Variants in ROBO2 observed in about 807,000 individuals in gnomAD.
The protein encoded by ROBO2 is roundabout homolog 2.
ROBO2 carries 53 observed loss-of-function variants against 160.8 expected under a neutral mutation model. The observed-to-expected ratio is 0.33, with a 90% CI of 0.26 to 0.41. The LOEUF is 0.41. Ranked by LOEUF, ROBO2 falls within the 10% of genes least tolerant of loss-of-function variation. The pLI is 1.00. For missense variants in ROBO2, 1,577 were observed against 1,722.4 expected, an observed-to-expected ratio of 0.92 and a Z score of 1.49; for synonymous variants, 664 against 611.7, an observed-to-expected ratio of 1.09 and a Z score of -1.26.
chr3:76,846,532 G>T (rs1216123613), intron 2 of ROBO2, among the ~76,000 whole-genome samples: 14 of 152,034 alleles, frequency 9.2e-5, no homozygotes. Context: ...ACTATTTGAA[G>T]AATCAATACT....
chr3:76,821,074 T>A (rs886249516), intron 2 of ROBO2, among the ~76,000 whole-genome samples: 3 of 152,006 alleles, frequency 2.0e-5, no homozygotes, highest in African/African-American at 7.2e-5. Context: ...TGTATTAACA[T>A]GTTCTATCAT....
chr3:77,293,803 A>G (rs1371034223), intron 2 of ROBO2, among the ~76,000 whole-genome samples: 4 of 140,714 alleles, frequency 2.8e-5, no homozygotes. Flanking sequence ...AGTTGAGGCT[A>G]GAACAGTAAA....
chr3:76,772,240 C>T (rs1179920637), intron 2 of ROBO2, among the ~76,000 whole-genome samples: 3 of 150,432 alleles, frequency 2.0e-5, no homozygotes, highest in Non-Finnish European at 4.5e-5. Flanking sequence ...TAACTTACAA[C>T]ATTGTTCTCC....
intron 2 of ROBO2, among the ~76,000 whole-genome samples, chr3:76,624,290 A>C (rs2109324270): frequency 6.6e-6 from 1 of 152,270 alleles, no homozygotes; most frequent in Non-Finnish European, 1.5e-5. Flanking sequence ...GAACCTGGTA[A>C]GTGGTGCTTG....
At chr3:76,355,002 G>A (rs2075073150) in intron 2 of ROBO2, among the ~76,000 whole-genome samples, 1 of 151,240 alleles carries the variant, frequency 6.6e-6, no homozygotes, top group Non-Finnish European at 1.5e-5. Flanking sequence ...GCATATATCT[G>A]GATATGTGTG....
intron 2 of ROBO2, among the ~76,000 whole-genome samples, chr3:77,276,348 T>C (rs1443027370): frequency 6.6e-6 from 1 of 152,246 alleles, no homozygotes; most frequent in Non-Finnish European, 1.5e-5. Flanking sequence ...GAAATGTTAC[T>C]ACTACAGATA....
intron 2 of ROBO2, among the ~76,000 whole-genome samples, chr3:76,486,664 AATGT>A (rs1048218898): frequency 3.3e-5 from 5 of 152,272 alleles, no homozygotes; most frequent in African/African-American, 1.2e-4. Context: ...AACCAAAATA[AATGT>A]ATGAGGGCAA....
intron 2 of ROBO2, among the ~76,000 whole-genome samples, chr3:77,002,269 TG>T (rs1362842363): frequency 6.6e-6 from 1 of 151,968 alleles, no homozygotes; most frequent in African/African-American, 2.4e-5. Flanking sequence ...ATGTTATTAG[TG>T]TATATCTTAA....
chr3:76,522,205 A>G (rs971652507), intron 2 of ROBO2, among the ~76,000 whole-genome samples: 7 of 152,162 alleles, frequency 4.6e-5, no homozygotes, highest in Non-Finnish European at 8.8e-5. Context: ...GGAATGTAAA[A>G]TCATTTCAGC....
intron 15 of ROBO2, among the ~76,000 whole-genome samples, chr3:77,579,564 A>G (rs533814407): frequency 2.8e-4 from 42 of 152,308 alleles, no homozygotes; most frequent in African/African-American, 9.9e-4. Context: ...GATAAATAAA[A>G]CAGAGGAAAT....
At chr3:76,811,757 T>C (rs1002712609) in intron 2 of ROBO2, among the ~76,000 whole-genome samples, 2 of 150,852 alleles carry the variant, frequency 1.3e-5, no homozygotes, top group Non-Finnish European at 2.9e-5. Flanking sequence ...TTTTGCTTAA[T>C]TACCTTTCTC....
At chr3:75,975,314 T>C (rs1047033755) in intron 2 of ROBO2, among the ~76,000 whole-genome samples, 1 of 151,458 alleles carries the variant, frequency 6.6e-6, no homozygotes, top group Non-Finnish European at 1.5e-5. Flanking sequence ...GGCCAAATTC[T>C]TTGTCAAATT....
Position 76,472,860 on chromosome 3 carries a change from G to A in ROBO2, c.109+535258G>A, listed in dbSNP as rs115669953. On this transcript the variant is annotated intron_variant, in intron 2 of 26. Transcript: ENST00000487694. ...AAATCAGGGAGATGTTGATAGATGT[G>A]ATCGCTGGGACAGCATGTCAGTCTC... is the stretch of plus-strand genomic sequence containing the variant. Among the ~76,000 whole-genome samples the A allele has an allele frequency of 5.3e-3, 814 of 152,278 alleles. 10 individuals are homozygous for A. Among genetic ancestry groups the A allele is most frequent in the African/African-American group, 0.018 (767 of 41,576 alleles).
chr3:77,460,750 T>C (rs2153571045), intron 2 of ROBO2, among the ~76,000 whole-genome samples: 1 of 152,242 alleles, frequency 6.6e-6, no homozygotes, highest in South Asian at 2.1e-4. Flanking sequence ...TCTTAGCAAA[T>C]ATATATCTAG....
chr3:76,707,767 TAAAAG>T (rs1229886123), intron 2 of ROBO2, among the ~76,000 whole-genome samples: 2 of 133,680 alleles, frequency 1.5e-5, no homozygotes, highest in Non-Finnish European at 3.3e-5. Context: ...ATATAAATCT[TAAAAG>T]CAAGGCTGAG....
At chr3:76,092,867 G>C (rs2069288935) in intron 2 of ROBO2, among the ~76,000 whole-genome samples, 1 of 152,118 alleles carries the variant, frequency 6.6e-6, no homozygotes, top group East Asian at 1.9e-4. Flanking sequence ...CTTGACAAAA[G>C]AACAGTTTGA....
At chr3:76,079,126 ATGGT>A (rs1159063090) in intron 2 of ROBO2, among the ~76,000 whole-genome samples, 4 of 152,206 alleles carry the variant, frequency 2.6e-5, no homozygotes, top group Non-Finnish European at 5.9e-5. Context: ...TAGGAAAACA[ATGGT>A]TATAATAAAC....
chr3:76,057,540 G>A (rs1189746963), intron 2 of ROBO2, among the ~76,000 whole-genome samples: 1 of 151,946 alleles, frequency 6.6e-6, no homozygotes, highest in African/African-American at 2.4e-5. Context: ...TTCTGCATTC[G>A]GAATTATCCC....
chr3:77,063,764 T>G (rs1174227269), intron 1 of ROBO2, among the ~76,000 whole-genome samples: 2 of 152,184 alleles, frequency 1.3e-5, no homozygotes, highest in African/African-American at 4.8e-5. Flanking sequence ...CAGCTCTTCT[T>G]TCTCTCTGCC....
Sources: gnomAD v4.1 joint callset for allele counts (sites outside exome capture counted in the v4.1 genomes callset) on GRCh38, gnomAD v4.1.1 for gene constraint, MANE v1.5 for transcripts, NCBI Gene and HGNC (gene_info 2026-07-23, HGNC 2026-07-21) for gene names.